NECTIN4: variants seen among roughly 807,000 people sequenced by gnomAD.
NECTIN4 encodes the protein nectin cell adhesion molecule 4.
NECTIN4 carries 19 observed loss-of-function variants against 51.7 expected under a neutral mutation model. The observed-to-expected ratio is 0.37, with a 90% CI of 0.26 to 0.54. The LOEUF (loss-of-function observed/expected upper bound fraction) is 0.54. NECTIN4 is among the 20% of genes least tolerant of loss of function. The pLI is 0.86. For missense variants in NECTIN4, 619 were observed against 662.4 expected (o/e 0.93, Z 0.72); for synonymous variants, 283 against 286.9 (o/e 0.99, Z 0.14).
chr1:161,076,230 G>C, intron 4 of NECTIN4, 125 bp downstream of exon 4: 1 of 1,077,334 alleles, frequency 9.3e-7, no homozygotes, highest in African/African-American at 1.6e-5. Context: ...CAAGAGATCT[G>C]AACACATACC....
rs1476122647 is a variant in NECTIN4, at chr1:161,079,600, G to A, written c.429C>T (p.Leu143=). Residue 143 remains leucine (L), a synonymous_variant, in exon 2 of 9, where the codon CTC becomes CTT. Transcript: ENST00000368012. ...GAGATCCCCGCTTACCCAGCACTCG[G>A]AGCCGCAGCCGCGCCTGGAAGCTGC... The part of the protein sequence containing the change: ...PAGSFQARLR[L]RVLVPPLPSL... 5 of 1,603,904 alleles carry A rather than the reference G, an allele frequency of 3.1e-6. No homozygotes were observed. In the Admixed American group the frequency reaches 8.4e-5, roughly 27 times the overall value.
chr1:161,075,635 G>A (rs1653383213), intron 4 of NECTIN4, among the ~76,000 whole-genome samples: 1 of 152,136 alleles, frequency 6.6e-6, no homozygotes, highest in African/African-American at 2.4e-5. Context: ...AGCTGGGCAT[G>A]CTGGCACACA....
Position 161,077,460 on chromosome 1 carries a change from G to A in NECTIN4, c.723C>T (p.His241=), listed in dbSNP as rs140618817. The part of the protein sequence containing the change: ...LQDQRITHIL[H]VSFLAEASVR... ...AAGCATCCAAGTACTTACAGGACACGTGGAGGATGTGGGTGATCCTTTGGT... is the reference window on the plus strand; with the variant it reads ...AAGCATCCAAGTACTTACAGGACACATGGAGGATGTGGGTGATCCTTTGGT... Residue 241 remains histidine, a synonymous_variant, in exon 3 of 9, where the codon CAC becomes CAT. Transcript: ENST00000368012. 3.0e-5 allele frequency: 49 copies of A among 1,614,118 alleles called. No homozygotes were observed. Among genetic ancestry groups the A allele is most frequent in the South Asian group, 1.9e-4 (17 of 91,088 alleles).
Position 161,079,719 on chromosome 1 carries a change from G to C in NECTIN4, c.310C>G (p.Pro104Ala). 6.2e-7 allele frequency: 1 copy of C among 1,608,956 alleles called. No homozygotes were observed. The highest frequency in any genetic ancestry group is 1.7e-4 in the Middle Eastern group (1 of 6,058). ...ACTGAGCCGTCCAGGGGGTTGCGTG[G>C]GGGCGGCGGCTGCTCCACGCGGCCC... ...YEGRVEQPPP[P>A]RNPLDGSVLL... is the part of the protein sequence containing the mutation. The change falls in exon 2 of 9, where the codon CCA (proline) becomes GCA (alanine). Residue 104 changes from proline (P) to alanine (A), a missense_variant. This residue lies in a region of NECTIN4 where 218 missense variants were observed against 186.3 expected (regional missense o/e 1.17). Coordinates refer to ENST00000368012, the MANE Select transcript of NECTIN4 (RefSeq NM_030916.3).
At position 161,073,276 on chromosome 1, in the gene NECTIN4, T is replaced by C; in HGVS notation, c.1257A>G (p.Arg419=). 6.2e-7 allele frequency: 1 copy of C among 1,613,990 alleles called. No homozygotes were observed. Among genetic ancestry groups the C allele is most frequent in the Non-Finnish European group, 8.5e-7 (1 of 1,179,960 alleles). ...RSQPEESVGL[R]AEGHPDSLKD... ...TGAGACTATCAGGGTGGCCCTCGGC[T>C]CTCAGCCCTACACTCTCCTCCGGCT... Residue 419 remains arginine, a synonymous_variant, in exon 8 of 9, where the codon AGA becomes AGG. Transcript: ENST00000368012.
intron 6 of NECTIN4, 121 bp downstream of exon 6, chr1:161,074,096 C>T: frequency 3.1e-6 from 4 of 1,275,020 alleles, no homozygotes; most frequent in South Asian, 1.2e-5. Flanking sequence ...CCCTGCCCAC[C>T]TCTAGTCTGA....
chr1:161,081,011 T>C (rs1653656807), intron 1 of NECTIN4, among the ~76,000 whole-genome samples: 1 of 151,616 alleles, frequency 6.6e-6, no homozygotes, highest in Non-Finnish European at 1.5e-5. Context: ...CATGCATGAG[T>C]TGGGTAGGAT....
chr1:161,084,513 G>A (rs1309067850), intron 1 of NECTIN4: 2 of 152,236 alleles, frequency 1.3e-5, no homozygotes, highest in African/African-American at 4.8e-5. Flanking sequence ...CTTACCCCAA[G>A]ACTTGAAGAC....
chr1:161,079,630 G>T lies in NECTIN4; in HGVS notation c.399C>A (p.Pro133=), dbSNP rs746014173. ...GCAGCCGCGCCTGGAAGCTGCCGGC[G>T]GGGAAGGTGCTGACCCGGCACTCGT... The part of the protein sequence containing the change: ...GEYECRVSTF[P]AGSFQARLRL... The change falls in exon 2 of 9, where the codon CCC becomes CCA. Residue 133 remains proline, a synonymous_variant. Coordinates refer to ENST00000368012, the MANE Select transcript of NECTIN4 (RefSeq NM_030916.3). 9 of 1,605,182 alleles carry T rather than the reference G, an allele frequency of 5.6e-6. No individual in the cohort carries two copies. The East Asian group carries it at 2.0e-4, about 36-fold the overall frequency.
intron 1 of NECTIN4, among the ~76,000 whole-genome samples, chr1:161,085,280 G>C (rs1653889605): frequency 2.0e-5 from 3 of 152,136 alleles, no homozygotes; most frequent in African/African-American, 7.2e-5. Flanking sequence ...ACAATGGGGA[G>C]GACAGGCCTT....
intron 8 of NECTIN4, 111 bp from the exon 9 acceptor site, chr1:161,072,996 G>T: frequency 1.8e-6 from 2 of 1,132,190 alleles, no homozygotes; most frequent in Non-Finnish European, 2.6e-6. Flanking sequence ...CAGGGGTAAC[G>T]GTTGCCTCAG....
intron 3 of NECTIN4, among the ~76,000 whole-genome samples, chr1:161,076,775 G>A (rs992743763): frequency 2.0e-5 from 3 of 152,244 alleles, no homozygotes; most frequent in Non-Finnish European, 4.4e-5. Flanking sequence ...GCCTAGCATA[G>A]TGCTAGTCAT....
chr1:161,082,327 C>T (rs1156434317), intron 1 of NECTIN4, among the ~76,000 whole-genome samples: 1 of 151,924 alleles, frequency 6.6e-6, no homozygotes, highest in Non-Finnish European at 1.5e-5. Context: ...GACACCATCC[C>T]CCCGCCACCA....
At chr1:161,083,922 C>T (rs1400865544) in intron 1 of NECTIN4, among the ~76,000 whole-genome samples, 2 of 152,354 alleles carry the variant, frequency 1.3e-5, no homozygotes, top group Non-Finnish European at 1.5e-5. Flanking sequence ...GGAGGGGAAA[C>T]TGAGGCTGGC....
chr1:161,071,415 C>G lies in NECTIN4; in HGVS notation c.*1246G>C, dbSNP rs1653157909. The G allele has an allele frequency of 6.6e-6, 1 of 152,326 alleles. No individual in the cohort carries two copies. Among genetic ancestry groups the G allele is most frequent in the South Asian group, 2.1e-4 (1 of 4,834 alleles). The allele number at this position is 152,326 out of a possible 1,614,324, so 9.4% of individuals were successfully genotyped here. Reference sequence around the variant, plus strand: ...TCACTGCTCTCTCTCTCCCCAACACCACTATTGAACAGGAGCCCTTGTCAC... The same window carrying G: ...TCACTGCTCTCTCTCTCCCCAACACGACTATTGAACAGGAGCCCTTGTCAC... On this transcript the variant is annotated 3_prime_UTR_variant, in exon 9 of 9. Transcript: ENST00000368012.
chr1:161,084,037 G>A (rs1240014874), intron 1 of NECTIN4, among the ~76,000 whole-genome samples: 2 of 152,236 alleles, frequency 1.3e-5, no homozygotes, highest in Non-Finnish European at 2.9e-5. Context: ...AGATGTGAAT[G>A]TAGGGGATCG....
At position 161,089,548 on chromosome 1, in the gene NECTIN4, A is replaced by G; in HGVS notation, c.-252T>C. On this transcript the variant is annotated 5_prime_UTR_variant, in exon 1 of 9. Transcript: ENST00000368012. The surrounding 1 kb of genome is among the most constrained non-coding windows in gnomAD (Gnocchi z 4.1). ...AGAGCTGCTTCCCACGCTGTGGCCA[A>G]CAACGACGGCAGAAACCTGGGAACC... 1.8e-6 allele frequency: 1 copy of G among 541,736 alleles called. No individual in the cohort carries two copies. The highest frequency in any genetic ancestry group is 3.3e-6 in the Non-Finnish European group (1 of 300,830). The allele number at this position is 541,736 out of a possible 1,614,324, so 33.6% of individuals were successfully genotyped here.
At chr1:161,084,375 T>C (rs985006463) in intron 1 of NECTIN4, 3 of 152,250 alleles carry the variant, frequency 2.0e-5, no homozygotes, top group Admixed American at 6.5e-5. Flanking sequence ...ATAGTAAATA[T>C]TTTGCTGTCG....
intron 5 of NECTIN4, 61 bp from the exon 6 acceptor site, chr1:161,074,434 C>T: frequency 6.2e-7 from 1 of 1,611,306 alleles, no homozygotes; most frequent in Non-Finnish European, 8.5e-7. Flanking sequence ...CCCCAGACCT[C>T]ACAGCTCCCC....
Sources: allele counts gnomAD v4.1 joint callset (sites outside exome capture counted in the v4.1 genomes callset), GRCh38; gene constraint gnomAD v4.1.1; regional missense constraint gnomAD v4.1.1; non-coding constraint Gnocchi (gnomAD v3.1); transcripts MANE v1.5; gene names NCBI Gene and HGNC (gene_info 2026-07-23, HGNC 2026-07-21).